Variants in PAN3 observed in about 807,000 individuals in gnomAD.
The protein encoded by PAN3 is poly(A) specific ribonuclease subunit PAN3, also known as PAN2-PAN3 deadenylation complex subunit PAN3.
A neutral mutation model predicts 96.2 loss-of-function variants in PAN3; 19 were observed. That is an observed-to-expected ratio of 0.20 (90% CI 0.14 to 0.29). PAN3 has a LOEUF of 0.29. Among genes scored for constraint, PAN3 ranks in the 10% least tolerant of loss-of-function variants. PAN3 has a pLI of 1.00. For synonymous variants in PAN3, 433 were observed against 406.6 expected (o/e 1.06, Z -0.78); for missense variants, 882 against 1,108.1 (o/e 0.80, Z 2.90).
chr13:28,198,045 G>A (rs1160208917), intron 5 of PAN3, among the ~76,000 whole-genome samples: 2 of 152,066 alleles, frequency 1.3e-5, no homozygotes. Flanking sequence ...GGCCGAGGAA[G>A]GCGTATCACC....
At chr13:28,207,969 A>G (rs1879575028) in intron 5 of PAN3, among the ~76,000 whole-genome samples, 1 of 152,186 alleles carries the variant, frequency 6.6e-6, no homozygotes, top group South Asian at 2.1e-4. Flanking sequence ...TATATTAGGT[A>G]TTCAAATAAT....
chr13:28,255,332 G>A (rs1304669361), intron 6 of PAN3, among the ~76,000 whole-genome samples: 1 of 151,870 alleles, frequency 6.6e-6, no homozygotes, highest in Non-Finnish European at 1.5e-5. Flanking sequence ...AACGCTACCT[G>A]GTTTTAATTA....
At chr13:28,181,888 G>A (rs966261739) in intron 4 of PAN3, among the ~76,000 whole-genome samples, 1 of 152,032 alleles carries the variant, frequency 6.6e-6, no homozygotes, top group Non-Finnish European at 1.5e-5. Flanking sequence ...TCTTTTATTT[G>A]TCACATTAGG....
intron 13 of PAN3, among the ~76,000 whole-genome samples, chr13:28,271,403 A>G (rs895280613): frequency 1.3e-5 from 2 of 152,230 alleles, no homozygotes; most frequent in African/African-American, 4.8e-5. Context: ...CTTGGGCTGC[A>G]TAACATAAAG....
rs1491014195 is a variant in PAN3, at chr13:28,144,209, TTG to T, written c.430+5124_430+5125del. ...TAATACTTGGTTTCGATAAGTTTTTTTGTTTTTTTTTTTTTTTTTTTTTTTGA... is the reference window on the plus strand; with the variant it reads ...TAATACTTGGTTTCGATAAGTTTTTTTTTTTTTTTTTTTTTTTTTTTTTGA... On this transcript the variant is annotated intron_variant, in intron 1 of 18. Transcript: ENST00000380958. 3.2e-3 allele frequency among the ~76,000 whole-genome samples: 445 copies of T among 139,954 alleles called. 8 individuals are homozygous for T. Among genetic ancestry groups the T allele is most frequent in the African/African-American group, 0.013 (412 of 31,870 alleles). The allele number at this position is 139,954 out of a possible 152,430, so 91.8% of individuals were successfully genotyped here.
chr13:28,283,791 G>T (rs1185066296), intron 17 of PAN3, among the ~76,000 whole-genome samples: 1 of 152,096 alleles, frequency 6.6e-6, no homozygotes, highest in African/African-American at 2.4e-5. Context: ...TTGAACAAAG[G>T]TTGCGTAATT....
At chr13:28,170,754 T>C (rs370870304) in intron 1 of PAN3, among the ~76,000 whole-genome samples, 4 of 152,058 alleles carry the variant, frequency 2.6e-5, no homozygotes, top group African/African-American at 9.7e-5. Flanking sequence ...AATAACTACA[T>C]TGTAAAGAAA....
intron 5 of PAN3, among the ~76,000 whole-genome samples, chr13:28,203,884 T>G (rs551602027): frequency 6.7e-6 from 1 of 150,120 alleles, no homozygotes; most frequent in African/African-American, 2.5e-5. Context: ...GCTCACTGCA[T>G]CCTCCACCTT....
At chr13:28,163,545 G>A (rs1873145078) in intron 1 of PAN3, among the ~76,000 whole-genome samples, 2 of 152,280 alleles carry the variant, frequency 1.3e-5, no homozygotes, top group African/African-American at 4.8e-5. Flanking sequence ...ATGAAGAAAT[G>A]AAATTTACAG....
At chr13:28,144,211 G>GTTTTTTTTTT (rs972669575) in intron 1 of PAN3, among the ~76,000 whole-genome samples, 72 of 101,538 alleles carry the variant, frequency 7.1e-4, no homozygotes, top group South Asian at 1.3e-3. Context: ...AAGTTTTTTT[G>GTTTTTTTTTT]TTTTTTTTTT....
At chr13:28,185,665 G>A (rs780415937) in intron 4 of PAN3, among the ~76,000 whole-genome samples, 2 of 151,946 alleles carry the variant, frequency 1.3e-5, no homozygotes, top group Admixed American at 1.3e-4. Context: ...ATATTTAAAC[G>A]TGAACTGAAA....
intron 5 of PAN3, among the ~76,000 whole-genome samples, chr13:28,199,624 T>C (rs1043221906): frequency 6.6e-6 from 1 of 150,454 alleles, no homozygotes; most frequent in South Asian, 2.1e-4. Flanking sequence ...GATTCCAAAC[T>C]GGGGGTCTGG....
chr13:28,289,694 A>C (rs550760040), intron 18 of PAN3, among the ~76,000 whole-genome samples: 5 of 152,184 alleles, frequency 3.3e-5, no homozygotes, highest in African/African-American at 9.7e-5. Flanking sequence ...ATCCTGGCTA[A>C]CACGGTGAAA....
chr13:28,138,899 T>A lies in PAN3; in HGVS notation c.242T>A (p.Leu81His). 6 of 1,395,238 alleles carry A rather than the reference T, an allele frequency of 4.3e-6. No individual in the cohort carries two copies. Among genetic ancestry groups the A allele is most frequent in the Non-Finnish European group, 5.6e-6 (6 of 1,079,196 alleles). The allele number at this position is 1,395,238 out of a possible 1,614,324, so 86.4% of individuals were successfully genotyped here. A position where few individuals can be genotyped will look rare whatever the true frequency, so the allele number is the denominator to read the frequency against. ...PAAGAAPGLGLHSNSVPLALA... is the reference protein window; with the variant it reads ...PAAGAAPGLGHHSNSVPLALA... ...GCCGGGGCTGCCCCGGGCCTCGGCCTCCATAGCAACAGCGTCCCCCTGGCT... is the reference window on the plus strand; with the variant it reads ...GCCGGGGCTGCCCCGGGCCTCGGCCACCATAGCAACAGCGTCCCCCTGGCT... The change falls in exon 1 of 19, where the codon CTC (leucine) becomes CAC (histidine). Residue 81 changes from leucine (L) to histidine (H), a missense_variant. Physicochemically the swap from Leu to His is moderately conservative, Grantham distance 99 (BLOSUM62 -3). Coordinates refer to ENST00000380958, the MANE Select transcript of PAN3 (RefSeq NM_175854.8).
intron 12 of PAN3, among the ~76,000 whole-genome samples, 198 bp from the exon 13 acceptor site, chr13:28,270,503 A>T (rs1368170724): frequency 6.6e-6 from 1 of 152,256 alleles, no homozygotes; most frequent in East Asian, 1.9e-4. Context: ...TGGTATCAAT[A>T]TAAAAGGCAT....
At chr13:28,200,893 G>C (rs1412339345) in intron 5 of PAN3, among the ~76,000 whole-genome samples, 1 of 152,164 alleles carries the variant, frequency 6.6e-6, no homozygotes, top group Non-Finnish European at 1.5e-5. Context: ...CTCCTTAAAT[G>C]TCTGCAAACT....
At chr13:28,282,599 G>A (rs1036966979) in intron 17 of PAN3, among the ~76,000 whole-genome samples, 2 of 152,036 alleles carry the variant, frequency 1.3e-5, no homozygotes, top group African/African-American at 4.8e-5. Flanking sequence ...GTGCACGCAC[G>A]TGCACACACA....
At chr13:28,162,702 G>A (rs1873035954) in intron 1 of PAN3, among the ~76,000 whole-genome samples, 1 of 151,336 alleles carries the variant, frequency 6.6e-6, no homozygotes. Flanking sequence ...TGCTAGGCTG[G>A]GCTCAGTAAC....
chr13:28,214,756 G>C (rs1412049636), intron 5 of PAN3: 1 of 545,894 alleles, frequency 1.8e-6, no homozygotes, highest in Non-Finnish European at 3.4e-6. Context: ...AGAAACTTGA[G>C]ACCAACAAGT....
Sources: gnomAD v4.1 joint callset for allele counts (sites outside exome capture counted in the v4.1 genomes callset) on GRCh38, gnomAD v4.1.1 for gene constraint, MANE v1.5 for transcripts, NCBI Gene and HGNC (gene_info 2026-07-23, HGNC 2026-07-21) for gene names.